The following MYT1L variants were observed in gnomAD, a reference collection of about 807,000 sequenced individuals.
MYT1L encodes myelin transcription factor 1 like.
Under a neutral mutation model 126.7 loss-of-function variants are expected in MYT1L, and 12 were observed. The ratio of observed to expected loss-of-function variants is 0.09; its 90% CI spans 0.06 to 0.15. The LOEUF (loss-of-function observed/expected upper bound fraction) is 0.15. MYT1L is among the 10% of genes least tolerant of loss of function. The pLI is 1.00. For missense variants in MYT1L, 979 were observed against 1,585.2 expected, an observed-to-expected ratio of 0.62 and a Z score of 6.49; for synonymous variants, 541 against 604.2, an observed-to-expected ratio of 0.90 and a Z score of 1.53.
chr2:1,919,613 A>G (rs894642503), intron 10 of MYT1L, among the ~76,000 whole-genome samples: 4 of 152,258 alleles, frequency 2.6e-5, no homozygotes, highest in African/African-American at 9.6e-5. Flanking sequence ...CATTTTTAAT[A>G]AAATAACAGA....
chr2:2,116,481 C>T (rs768646135), intron 3 of MYT1L, among the ~76,000 whole-genome samples: 1 of 152,126 alleles, frequency 6.6e-6, no homozygotes, highest in Non-Finnish European at 1.5e-5. Flanking sequence ...AACCTCCTTC[C>T]ACCTTCCACA....
intron 21 of MYT1L, among the ~76,000 whole-genome samples, chr2:1,838,554 C>T (rs1466193135): frequency 2.0e-5 from 3 of 152,178 alleles, no homozygotes; most frequent in African/African-American, 7.2e-5. Flanking sequence ...TAATGGGTGC[C>T]GTCAGCCTTG....
chr2:1,974,508 G>GC (rs1354009376), intron 8 of MYT1L: 1 of 152,174 alleles, frequency 6.6e-6, no homozygotes, highest in African/African-American at 2.4e-5. Flanking sequence ...GCAAATTCAG[G>GC]TGACTGGCTA....
intron 3 of MYT1L, among the ~76,000 whole-genome samples, chr2:2,158,648 C>T (rs74995573): frequency 0.17 from 25,470 of 149,564 alleles, 2,166 homozygotes; most frequent in East Asian, 0.24. Flanking sequence ...CACACACACA[C>T]GCGTAGGTGG....
intron 2 of MYT1L, among the ~76,000 whole-genome samples, chr2:2,225,593 C>T (rs2093987810): frequency 1.3e-5 from 2 of 152,138 alleles, no homozygotes; most frequent in South Asian, 2.1e-4. Flanking sequence ...AGATTTACTA[C>T]ACCGTGGTCT....
intron 1 of MYT1L, among the ~76,000 whole-genome samples, chr2:2,294,193 G>A (rs1343300345): frequency 2.0e-5 from 3 of 152,196 alleles, no homozygotes; most frequent in Admixed American, 1.3e-4. Context: ...CACAGGTGAC[G>A]GTTAGCGACT....
chr2:1,831,253 C>A (rs954767637), intron 21 of MYT1L, among the ~76,000 whole-genome samples: 2 of 152,180 alleles, frequency 1.3e-5, no homozygotes, highest in East Asian at 3.9e-4. Context: ...ACCCCCAGCT[C>A]CCCAGTGCAG....
intron 3 of MYT1L, among the ~76,000 whole-genome samples, chr2:2,094,485 C>T (rs562316378): frequency 1.5e-4 from 23 of 152,134 alleles, no homozygotes; most frequent in South Asian, 6.2e-4. Flanking sequence ...ATGTTTATTG[C>T]GGCACTATTT....
At chr2:2,174,557 T>C (rs1441411563) in intron 2 of MYT1L, among the ~76,000 whole-genome samples, 2 of 150,588 alleles carry the variant, frequency 1.3e-5, no homozygotes, top group African/African-American at 2.5e-5. Flanking sequence ...TGACAGCGCA[T>C]GTGGAGACTC....
At chr2:2,188,747 T>C (rs2092383019) in intron 2 of MYT1L, among the ~76,000 whole-genome samples, 1 of 152,088 alleles carries the variant, frequency 6.6e-6, no homozygotes, top group Non-Finnish European at 1.5e-5. Flanking sequence ...TGGGAAGTGG[T>C]AGGAGTTTAA....
At chr2:2,095,805 G>A (rs1183940626) in intron 3 of MYT1L, among the ~76,000 whole-genome samples, 3 of 152,160 alleles carry the variant, frequency 2.0e-5, no homozygotes, top group Admixed American at 6.5e-5. Flanking sequence ...CTCACACTCA[G>A]CACTTTACTC....
At position 1,889,617 on chromosome 2, in the gene MYT1L, A is replaced by G. The variant is rs75888598; in HGVS notation, c.2284-140T>C. 0.038 allele frequency: 23,797 copies of G among 632,922 alleles called. 515 individuals are homozygous for G. The highest frequency in any genetic ancestry group is 0.054 in the African/African-American group (2,892 of 53,976). The allele number at this position is 632,922 out of a possible 1,614,324, so 39.2% of individuals were successfully genotyped here. A position where few individuals can be genotyped will look rare whatever the true frequency, so the allele number is the denominator to read the frequency against. On this transcript the variant is annotated intron_variant, in intron 15 of 24. Transcript: ENST00000647738. This position sits in a 1 kb window ranked among gnomAD's most constrained non-coding sequence, Gnocchi z 4.1. ...CCTCGCTGCTGTTTCCTTGGCCTAAACTCCCAAGGCGGACAGGCCTTGTCT... is the reference window on the plus strand; with the variant it reads ...CCTCGCTGCTGTTTCCTTGGCCTAAGCTCCCAAGGCGGACAGGCCTTGTCT...
At chr2:2,070,341 G>T (rs772995001) in intron 3 of MYT1L, among the ~76,000 whole-genome samples, 1 of 152,060 alleles carries the variant, frequency 6.6e-6, no homozygotes, top group African/African-American at 2.4e-5. Context: ...CCTGCGTTGC[G>T]ACACCACCTC....
At chr2:2,233,307 CG>C (rs1302571180) in intron 2 of MYT1L, among the ~76,000 whole-genome samples, 1 of 152,134 alleles carries the variant, frequency 6.6e-6, no homozygotes, top group Non-Finnish European at 1.5e-5. Flanking sequence ...AAGCAGAGCA[CG>C]GGGCGCCGGG....
chr2:1,971,466 C>T (rs1183179728), intron 8 of MYT1L, among the ~76,000 whole-genome samples: 1 of 152,206 alleles, frequency 6.6e-6, no homozygotes, highest in African/African-American at 2.4e-5. Context: ...CACAGTGGCT[C>T]ATGCTTGTAA....
At chr2:1,876,597 G>A (rs940755445) in intron 18 of MYT1L, among the ~76,000 whole-genome samples, 4 of 152,032 alleles carry the variant, frequency 2.6e-5, no homozygotes, top group South Asian at 2.1e-4. Context: ...GATGCTGTTC[G>A]CCCACACTGA....
intron 4 of MYT1L, among the ~76,000 whole-genome samples, chr2:2,047,197 T>C (rs964812900): frequency 6.6e-6 from 1 of 152,236 alleles, no homozygotes; most frequent in South Asian, 2.1e-4. Flanking sequence ...GATTTATTCA[T>C]TTCATTTCTG....
At chr2:2,015,219 C>T (rs72767339) in intron 4 of MYT1L, among the ~76,000 whole-genome samples, 6,413 of 152,244 alleles carry the variant, frequency 0.042, 203 homozygotes, top group Non-Finnish European at 0.065. Flanking sequence ...TTTAAGCACA[C>T]GGCCTCCGAG....
chr2:1,797,228 G>A (rs1257363951), intron 23 of MYT1L, among the ~76,000 whole-genome samples: 1 of 152,162 alleles, frequency 6.6e-6, no homozygotes, highest in Non-Finnish European at 1.5e-5. Flanking sequence ...GCCTGCATTA[G>A]AGACTGGGAA....
Sources: allele counts gnomAD v4.1 joint callset (sites outside exome capture counted in the v4.1 genomes callset), GRCh38; gene constraint gnomAD v4.1.1; non-coding constraint Gnocchi (gnomAD v3.1); transcripts MANE v1.5; gene names NCBI Gene and HGNC (gene_info 2026-07-23, HGNC 2026-07-21).